The following TUSC3 variants were observed in gnomAD, a reference collection of about 807,000 sequenced individuals.
The protein encoded by TUSC3 is tumor suppressor candidate 3.
Under a neutral mutation model 44.8 loss-of-function variants are expected in TUSC3, and 45 were observed. That is an observed-to-expected ratio of 1.00 (90% CI 0.79 to 1.29). TUSC3 has a LOEUF of 1.29. Ranked by LOEUF, TUSC3 falls within the 50% of genes most tolerant of loss-of-function variation. The pLI is 0.00. For missense variants in TUSC3, 519 were observed against 437.9 expected (o/e 1.19, Z -1.65); for synonymous variants, 212 against 152.9 (o/e 1.39, Z -2.85).
intron 2 of TUSC3, among the ~76,000 whole-genome samples, chr8:15,534,599 C>T (rs941641625): frequency 6.7e-6 from 1 of 149,258 alleles, no homozygotes; most frequent in Non-Finnish European, 1.5e-5. Flanking sequence ...GCCGAGATCG[C>T]GCCACTGCAC....
intron 6 of TUSC3, among the ~76,000 whole-genome samples, chr8:15,725,730 C>G (rs1456728424): frequency 1.3e-5 from 2 of 152,088 alleles, no homozygotes; most frequent in Admixed American, 6.6e-5. Flanking sequence ...GATCAAAGAG[C>G]TTAACAATTT....
chr8:15,756,497 A>T (rs140583988), intron 9 of TUSC3, among the ~76,000 whole-genome samples: 299 of 152,252 alleles, frequency 2.0e-3, no homozygotes, highest in African/African-American at 6.5e-3. Context: ...TATGTTTTTC[A>T]TTAAGTATTC....
intron 1 of TUSC3, among the ~76,000 whole-genome samples, chr8:15,447,819 G>A (rs1004355971): frequency 6.6e-6 from 1 of 151,386 alleles, no homozygotes; most frequent in Non-Finnish European, 1.5e-5. Flanking sequence ...GAGATGGTAA[G>A]TGATACCATG....
chr8:15,767,738 A>G (rs1812369056), downstream of TUSC3, among the ~76,000 whole-genome samples: 1 of 152,102 alleles, frequency 6.6e-6, no homozygotes, highest in Non-Finnish European at 1.5e-5. Flanking sequence ...GGTTGACGTA[A>G]CTCAGAAGTC....
chr8:15,611,905 A>C (rs980468855), intron 1 of TUSC3, among the ~76,000 whole-genome samples: 2 of 152,212 alleles, frequency 1.3e-5, no homozygotes, highest in Non-Finnish European at 2.9e-5. Context: ...TAACTTTTCT[A>C]CTAAATGCAA....
intron 1 of TUSC3, among the ~76,000 whole-genome samples, chr8:15,451,091 A>G (rs961095173): frequency 6.6e-6 from 1 of 152,204 alleles, no homozygotes; most frequent in East Asian, 1.9e-4. Context: ...ATGCTGGGTC[A>G]TGACCCTGCA....
intron 2 of TUSC3, among the ~76,000 whole-genome samples, chr8:15,495,439 T>A (rs1420437146): frequency 6.6e-6 from 1 of 152,140 alleles, no homozygotes; most frequent in Non-Finnish European, 1.5e-5. Flanking sequence ...ACATACCCAG[T>A]GAACCCACTG....
intron 2 of TUSC3, among the ~76,000 whole-genome samples, chr8:15,506,739 A>G (rs531272069): frequency 6.6e-6 from 1 of 152,228 alleles, no homozygotes; most frequent in South Asian, 2.1e-4. Context: ...GTTACCTCCC[A>G]CCAAGTCCCT....
At chr8:15,606,264 C>T (rs181651009) in intron 1 of TUSC3, among the ~76,000 whole-genome samples, 122 of 152,132 alleles carry the variant, frequency 8.0e-4, no homozygotes, top group Non-Finnish European at 1.5e-3. Context: ...AAATACAATA[C>T]AGTACTATAA....
rs150196307 is a variant in TUSC3, at chr8:15,565,636, C to T, written c.138+25068C>T. On this transcript the variant is annotated intron_variant, in intron 1 of 10. Transcript: ENST00000503731. ...TTTTCTTTAACTTTGTTTCTTTTGTCCTTCCCCAGTGGTGTTTTAAGCTTC... is the reference window on the plus strand; with the variant it reads ...TTTTCTTTAACTTTGTTTCTTTTGTTCTTCCCCAGTGGTGTTTTAAGCTTC... Among the ~76,000 whole-genome samples the T allele has an allele frequency of 2.0e-5, 3 of 152,214 alleles. No homozygotes were observed. The East Asian group carries it at 5.8e-4, about 29-fold the overall frequency.
chr8:15,428,501 G>T (rs1799833595), intron 1 of TUSC3, among the ~76,000 whole-genome samples: 2 of 151,990 alleles, frequency 1.3e-5, no homozygotes, highest in Non-Finnish European at 2.9e-5. Context: ...GGGATGGCTG[G>T]GTCAAATGGT....
At chr8:15,504,577 GGATATATATA>G (rs1402422757) in intron 2 of TUSC3, among the ~76,000 whole-genome samples, 14 of 54,956 alleles carry the variant, frequency 2.5e-4, no homozygotes, top group South Asian at 1.8e-3. Context: ...GCAACTTTCA[GGATATATATA>G]TATATATATA....
chr8:15,763,785 A>G (rs1380587408), intron 10 of TUSC3, among the ~76,000 whole-genome samples: 1 of 152,060 alleles, frequency 6.6e-6, no homozygotes, highest in African/African-American at 2.4e-5. Context: ...GTAAATTAAC[A>G]AAAGACCAAG....
intron 2 of TUSC3, among the ~76,000 whole-genome samples, chr8:15,516,488 T>C (rs898775478): frequency 6.6e-6 from 1 of 152,188 alleles, no homozygotes; most frequent in African/African-American, 2.4e-5. Flanking sequence ...CTATGGCAGG[T>C]GATATTTTTC....
intron 2 of TUSC3, among the ~76,000 whole-genome samples, chr8:15,638,515 C>CTTTTTTTTTTTTTTT (rs547743726): frequency 2.7e-4 from 22 of 81,056 alleles, no homozygotes; most frequent in East Asian, 8.2e-4. Context: ...TTCTTTTTTT[C>CTTTTTTTTTTTTTTT]TTTTTTTTTT....
chr8:15,743,609 C>T lies in TUSC3; in HGVS notation c.934C>T (p.Arg312Trp), dbSNP rs554205458. Residue 312 changes from arginine (R) to tryptophan (W), a missense_variant, in exon 8 of 11, where the codon CGG (arginine) becomes TGG (tryptophan). Arg to Trp is a moderately radical substitution (Grantham distance 101). Transcript: ENST00000503731. ...TTCGAAAGGCGATGTTGGAAAAAGA[C>T]GGAGTAAGTCTCTGTGTTGCCATTT... Reference protein sequence around the residue: ...ATSKGDVGKRRIICLVGLGLV... With the variant: ...ATSKGDVGKRWIICLVGLGLV... 50 of 1,613,788 alleles carry T rather than the reference C, an allele frequency of 3.1e-5. No individual in the cohort carries two copies. The highest frequency in any genetic ancestry group is 1.3e-4 in the East Asian group (6 of 44,860).
chr8:15,572,610 T>A (rs927655949), intron 1 of TUSC3, among the ~76,000 whole-genome samples: 1 of 152,208 alleles, frequency 6.6e-6, no homozygotes, highest in South Asian at 2.1e-4. Context: ...GCTTTTGGCC[T>A]ATCTGAGCTT....
intron 9 of TUSC3, among the ~76,000 whole-genome samples, chr8:15,754,322 C>G (rs1184973463): frequency 9.5e-6 from 1 of 105,096 alleles, no homozygotes; most frequent in African/African-American, 2.9e-5. Flanking sequence ...CTCCAACCAT[C>G]CAAGACAGAA....
At chr8:15,493,233 A>G (rs575819027) in intron 2 of TUSC3, among the ~76,000 whole-genome samples, 5 of 152,260 alleles carry the variant, frequency 3.3e-5, no homozygotes, top group Middle Eastern at 3.4e-3. Context: ...ACTCTATTGT[A>G]TGAGTCCAAC....
Sources: allele counts gnomAD v4.1 joint callset (sites outside exome capture counted in the v4.1 genomes callset), GRCh38; gene constraint gnomAD v4.1.1; transcripts MANE v1.5; gene names NCBI Gene and HGNC (gene_info 2026-07-23, HGNC 2026-07-21).